SPTBN4: variants seen among roughly 807,000 people sequenced by gnomAD.
SPTBN4 encodes spectrin beta, non-erythrocytic 4, also known as spectrin beta chain, non-erythrocytic 4.
Under a neutral mutation model 277.8 loss-of-function variants are expected in SPTBN4, and 96 were observed. The ratio of observed to expected loss-of-function variants is 0.35; its 90% CI spans 0.29 to 0.41. The LOEUF is 0.41. Ranked by LOEUF, SPTBN4 falls within the 10% of genes least tolerant of loss-of-function variation. The probability of loss-of-function intolerance (pLI) is 1.00; values close to 1 mark genes in which losing one functional copy is unlikely to be tolerated. For synonymous variants in SPTBN4, 1,481 were observed against 1,580.3 expected (o/e 0.94, Z 1.49); for missense variants, 3,006 against 3,595.7 (o/e 0.84, Z 4.19).
At chr19:40,532,216 A>C (rs1300809756) in intron 18 of SPTBN4, among the ~76,000 whole-genome samples, 1 of 150,750 alleles carries the variant, frequency 6.6e-6, no homozygotes, top group Non-Finnish European at 1.5e-5. Flanking sequence ...TGAAGTGTCT[A>C]AGTGTTGCTA....
At chr19:40,561,390 G>A (rs879307213) in intron 27 of SPTBN4, among the ~76,000 whole-genome samples, 2 of 152,192 alleles carry the variant, frequency 1.3e-5, no homozygotes, top group Non-Finnish European at 2.9e-5. Flanking sequence ...CATTGCTTCT[G>A]GGAATGCAGA....
At chr19:40,489,993 CT>C in intron 3 of SPTBN4, 81 bp from the exon 4 acceptor site, 1 of 1,420,750 alleles carries the variant, frequency 7.0e-7, no homozygotes, top group South Asian at 1.5e-5. Context: ...GGGAGGCGGG[CT>C]TCTTTGGAAG....
At chr19:40,553,107 TGAG>T (rs2080936924) in intron 22 of SPTBN4, among the ~76,000 whole-genome samples, 2 of 151,770 alleles carry the variant, frequency 1.3e-5, no homozygotes, top group East Asian at 3.9e-4. Context: ...AGGTTGGGAG[TGAG>T]GAGGTGTGAG....
intron 13 of SPTBN4, 82 bp downstream of exon 13, chr19:40,506,468 G>T: frequency 6.7e-7 from 1 of 1,498,084 alleles, no homozygotes; most frequent in Non-Finnish European, 8.9e-7. Flanking sequence ...ACTCCTGAGA[G>T]AAGGAAAGAG....
Position 40,477,025 on chromosome 19 carries a change from TTTA to T in SPTBN4, c.169+4258_169+4260del, listed in dbSNP as rs368715725. On this transcript the variant is annotated intron_variant, in intron 2 of 35. Coordinates refer to ENST00000598249, the MANE Select transcript of SPTBN4 (RefSeq NM_020971.3). Reference sequence around the variant, plus strand: ...TGTACCACCACTCCCAGCTGTAGAATTTATTATTATTATTATTATTATTATCAT... The same window carrying T: ...TGTACCACCACTCCCAGCTGTAGAATTTATTATTATTATTATTATTATCAT... Among the ~76,000 whole-genome samples the T allele has an allele frequency of 2.6e-3, 382 of 147,572 alleles. 1 individual carries two copies. The highest frequency in any genetic ancestry group is 3.9e-3 in the Non-Finnish European group (263 of 67,152).
intron 20 of SPTBN4, among the ~76,000 whole-genome samples, chr19:40,540,138 G>C (rs896645277): frequency 1.3e-5 from 2 of 151,644 alleles, no homozygotes; most frequent in Non-Finnish European, 2.9e-5. Context: ...TGTTGTCCAG[G>C]CTGGTCCCAA....
chr19:40,555,767 A>T (rs1426102844), intron 24 of SPTBN4, among the ~76,000 whole-genome samples: 3 of 151,914 alleles, frequency 2.0e-5, no homozygotes, highest in Non-Finnish European at 4.4e-5. Context: ...AAAGAAATCA[A>T]AAAGTTAGCC....
At position 40,490,259 on chromosome 19, in the gene SPTBN4, A is replaced by G; in HGVS notation, c.495+11A>G. The G allele has an allele frequency of 6.2e-7, 1 of 1,610,676 alleles. No homozygotes were observed. Among genetic ancestry groups the G allele is most frequent in the Non-Finnish European group, 8.5e-7 (1 of 1,177,910 alleles). Reference sequence around the variant, plus strand: ...ATCCTGCGCTTCCAGGTGACCCTCGAGTGGCCCCTGCCAAGCCCCGCAACA... The same window carrying G: ...ATCCTGCGCTTCCAGGTGACCCTCGGGTGGCCCCTGCCAAGCCCCGCAACA... On this transcript the variant is annotated intron_variant, in intron 4 of 35. Transcript: ENST00000598249. This position sits in a 1 kb window ranked among gnomAD's most constrained non-coding sequence, Gnocchi z 4.3.
Position 40,515,166 on chromosome 19 carries a change from T to C in SPTBN4, c.2766-145T>C, listed in dbSNP as rs2080439483. 1.5e-5 allele frequency: 9 copies of C among 590,670 alleles called. No individual in the cohort carries two copies. Among genetic ancestry groups the C allele is most frequent in the Non-Finnish European group, 2.3e-5 (9 of 389,008 alleles). 36.6% of individuals were successfully genotyped at this position (590,670 alleles called of 1,614,324 possible). On this transcript the variant is annotated intron_variant, in intron 14 of 35. Transcript: ENST00000598249. This position sits in a 1 kb window ranked among gnomAD's most constrained non-coding sequence, Gnocchi z 4.1. ...ATAAGTTAAATTAAATTAAATAAAA[T>C]AAGCAGCAAGTAGAAGAGAAGGAGC...
intron 22 of SPTBN4, among the ~76,000 whole-genome samples, chr19:40,551,368 A>C (rs1324086748): frequency 6.7e-6 from 1 of 149,716 alleles, no homozygotes; most frequent in African/African-American, 2.5e-5. Context: ...CACCCTGTGC[A>C]ACAGAATGAG....
intron 15 of SPTBN4, among the ~76,000 whole-genome samples, chr19:40,517,456 C>T (rs560700317): frequency 2.6e-5 from 4 of 151,918 alleles, no homozygotes; most frequent in Admixed American, 1.3e-4. Flanking sequence ...CCACTGCACC[C>T]GGCTAATTTT....
intron 30 of SPTBN4, 102 bp from the exon 31 acceptor site, chr19:40,567,561 T>G: frequency 2.5e-6 from 3 of 1,207,974 alleles, no homozygotes; most frequent in Non-Finnish European, 3.3e-6. Flanking sequence ...AACTGGTCAA[T>G]TGAGTGATGA....
At chr19:40,480,263 A>AC (rs1346896889) in intron 2 of SPTBN4, among the ~76,000 whole-genome samples, 1 of 151,710 alleles carries the variant, frequency 6.6e-6, no homozygotes, top group East Asian at 1.9e-4. Flanking sequence ...AAAAAAAAAA[A>AC]AAAAAAATTA....
chr19:40,475,406 C>T (rs2079935467), intron 2 of SPTBN4, among the ~76,000 whole-genome samples: 1 of 152,116 alleles, frequency 6.6e-6, no homozygotes, highest in African/African-American at 2.4e-5. Flanking sequence ...TTTAGTAACT[C>T]AGCAGTTTAT....
chr19:40,534,350 T>C lies in SPTBN4; in HGVS notation c.4359+7T>C. On this transcript the variant is annotated splice_region_variant and intron_variant, in intron 20 of 35. Transcript: ENST00000598249. ...TCAGCTCAAGAAGCTGCAGGTATGG[T>C]CTTCCTGGCCCAGATGAGGGCTCCC... 1.9e-6 allele frequency: 3 copies of C among 1,612,044 alleles called. No homozygotes were observed. The highest frequency in any genetic ancestry group is 2.5e-6 in the Non-Finnish European group (3 of 1,179,318).
intron 16 of SPTBN4, among the ~76,000 whole-genome samples, chr19:40,522,384 T>C (rs1342411200): frequency 2.8e-5 from 4 of 140,636 alleles, no homozygotes; most frequent in African/African-American, 1.1e-4. Context: ...GGGGTCTTGC[T>C]CTGTCACCCA....
At position 40,497,473 on chromosome 19, in the gene SPTBN4, C is replaced by T; in HGVS notation, c.669-16C>T. 1 of 1,602,790 alleles carries T rather than the reference C, an allele frequency of 6.2e-7. No individual in the cohort carries two copies. The highest frequency in any genetic ancestry group is 1.1e-5 in the South Asian group (1 of 90,856). On this transcript the variant is annotated splice_polypyrimidine_tract_variant and intron_variant, in intron 6 of 35. Transcript: ENST00000598249. ...GGAGCCTGCCTGCTGCCTGCCTGCT[C>T]TGTGCCCCTGCCCAGGCCTGATCTC...
Position 40,515,398 on chromosome 19 carries a change from C to A in SPTBN4, c.2853C>A (p.Gly951=). 2 of 1,595,432 alleles carry A rather than the reference C, an allele frequency of 1.3e-6. No homozygotes were observed. The highest frequency in any genetic ancestry group is 1.7e-6 in the Non-Finnish European group (2 of 1,170,884). Residue 951 remains glycine, a synonymous_variant, in exon 15 of 36, where the codon GGC becomes GGA. Coordinates refer to ENST00000598249, the MANE Select transcript of SPTBN4 (RefSeq NM_020971.3). The surrounding 1 kb of genome is among the most constrained non-coding windows in gnomAD (Gnocchi z 4.1). ...CAGTCCAGGAGCTGGTGGAAGGAGG[C>A]CACCCCAGTTCAGATGAGGTGCGTT... ...NHTVQELVEG[G]HPSSDEVRSC... is the part of the protein sequence containing the mutation.
At chr19:40,473,962 T>G (rs1483124027) in intron 2 of SPTBN4, among the ~76,000 whole-genome samples, 1 of 150,652 alleles carries the variant, frequency 6.6e-6, no homozygotes, top group Admixed American at 6.7e-5. Context: ...GCCAACATAG[T>G]GAAACCCTGT....
Sources: gnomAD v4.1 joint callset for allele counts (sites outside exome capture counted in the v4.1 genomes callset) on GRCh38, gnomAD v4.1.1 for gene constraint, Gnocchi (gnomAD v3.1) non-coding constraint, MANE v1.5 for transcripts, NCBI Gene and HGNC (gene_info 2026-07-23, HGNC 2026-07-21) for gene names.